The following RFX3 variants were observed in gnomAD, a reference collection of about 807,000 sequenced individuals.
RFX3 encodes the protein regulatory factor X3.
RFX3 carries 14 observed loss-of-function variants against 98.6 expected under a neutral mutation model. That is an observed-to-expected ratio of 0.14 (90% CI 0.09 to 0.22). The LOEUF is 0.22. Among genes scored for constraint, RFX3 ranks in the 10% least tolerant of loss-of-function variants. The pLI, the probability that RFX3 is intolerant of heterozygous loss-of-function variation, is 1.00. For synonymous variants in RFX3, 383 were observed against 328.4 expected (o/e 1.17, Z -1.80); for missense variants, 639 against 926.9 (o/e 0.69, Z 4.03).
At chr9:3,271,489 C>T (rs1374526560) in intron 9 of RFX3, among the ~76,000 whole-genome samples, 1 of 137,024 alleles carries the variant, frequency 7.3e-6, no homozygotes, top group Non-Finnish European at 1.6e-5. Context: ...TCCTTCCCTT[C>T]CCTTCCCCTT....
chr9:3,503,780 A>G (rs1356884874), intron 1 of RFX3, among the ~76,000 whole-genome samples: 1 of 152,154 alleles, frequency 6.6e-6, no homozygotes, highest in Non-Finnish European at 1.5e-5. Flanking sequence ...GCTATGCTAT[A>G]TAAACAATGA....
intron 1 of RFX3, among the ~76,000 whole-genome samples, chr9:3,420,117 C>T (rs1479625305): frequency 1.3e-5 from 2 of 152,174 alleles, no homozygotes; most frequent in African/African-American, 2.4e-5. Flanking sequence ...TCCCAGCCTC[C>T]GACCATCCTT....
intron 1 of RFX3, among the ~76,000 whole-genome samples, chr9:3,483,314 T>C (rs1055521854): frequency 2.6e-5 from 4 of 152,176 alleles, no homozygotes; most frequent in African/African-American, 9.7e-5. Flanking sequence ...CAACATGGGG[T>C]ACCCCACCAA....
intron 1 of RFX3, among the ~76,000 whole-genome samples, chr9:3,410,236 C>G (rs79494982): frequency 0.04 from 5,464 of 136,804 alleles, 262 homozygotes; most frequent in African/African-American, 0.12. Flanking sequence ...TGGTTCACAG[C>G]ACTTTATATT....
chr9:3,341,354 T>G (rs1172224050), intron 3 of RFX3, among the ~76,000 whole-genome samples: 1 of 151,574 alleles, frequency 6.6e-6, no homozygotes, highest in Admixed American at 6.6e-5. Flanking sequence ...TGTATACATA[T>G]GTAACAAACC....
intron 3 of RFX3, among the ~76,000 whole-genome samples, chr9:3,345,977 T>C (rs1023668495): frequency 6.6e-6 from 1 of 152,156 alleles, no homozygotes; most frequent in African/African-American, 2.4e-5. Context: ...GAATTCATTT[T>C]AAGTTAACCG....
chr9:3,433,900 C>T (rs916752673), intron 1 of RFX3, among the ~76,000 whole-genome samples: 2 of 152,200 alleles, frequency 1.3e-5, no homozygotes, highest in Non-Finnish European at 1.5e-5. Flanking sequence ...AATATGTAAA[C>T]AAATGGGCAT....
chr9:3,339,776 T>C (rs1833648570), intron 3 of RFX3, among the ~76,000 whole-genome samples: 1 of 152,116 alleles, frequency 6.6e-6, no homozygotes, highest in Non-Finnish European at 1.5e-5. Flanking sequence ...TGGAAGAACA[T>C]TCCATGCTCA....
At chr9:3,236,120 G>C (rs1819123689) in intron 15 of RFX3, among the ~76,000 whole-genome samples, 1 of 152,068 alleles carries the variant, frequency 6.6e-6, no homozygotes. Context: ...GGGTACAGTG[G>C]TATATAGGAA....
chr9:3,252,254 C>A (rs2131028410), intron 14 of RFX3, among the ~76,000 whole-genome samples: 1 of 152,302 alleles, frequency 6.6e-6, no homozygotes, highest in East Asian at 1.9e-4. Context: ...TGTTCCTACT[C>A]TGCGGCAGGG....
At chr9:3,260,764 C>T (rs933137994) in intron 13 of RFX3, among the ~76,000 whole-genome samples, 2 of 151,142 alleles carry the variant, frequency 1.3e-5, no homozygotes, top group South Asian at 2.1e-4. Context: ...AAACTTTGTT[C>T]TTGTAAAGAT....
At chr9:3,504,951 T>TATATTATATATAATATATATA (rs1564185977) in intron 1 of RFX3, among the ~76,000 whole-genome samples, 2 of 59,718 alleles carry the variant, frequency 3.3e-5, no homozygotes, top group African/African-American at 1.8e-4. Flanking sequence ...TATAATATAA[T>TATATTATATATAATATATATA]ATATATTATA....
intron 1 of RFX3, among the ~76,000 whole-genome samples, chr9:3,398,698 T>C (rs778664873): frequency 5.3e-5 from 8 of 152,096 alleles, no homozygotes; most frequent in African/African-American, 1.4e-4. Context: ...TGGATGGGAA[T>C]GTTCCAGAGT....
chr9:3,318,025 C>T (rs1028525087), intron 4 of RFX3, among the ~76,000 whole-genome samples: 16 of 152,104 alleles, frequency 1.1e-4, no homozygotes, highest in East Asian at 5.8e-4. Context: ...TTACTGGGTA[C>T]GTACCCAAAG....
intron 1 of RFX3, among the ~76,000 whole-genome samples, chr9:3,475,238 G>C (rs1849132106): frequency 6.6e-6 from 1 of 152,124 alleles, no homozygotes; most frequent in African/African-American, 2.4e-5. Flanking sequence ...CACAGGGTCA[G>C]TGGGTTTTTC....
chr9:3,351,915 T>C (rs1397128535), intron 2 of RFX3, among the ~76,000 whole-genome samples: 2 of 151,980 alleles, frequency 1.3e-5, no homozygotes, highest in African/African-American at 4.8e-5. Flanking sequence ...CATTTGACAT[T>C]TTTGTGAATT....
intron 3 of RFX3, among the ~76,000 whole-genome samples, chr9:3,333,162 C>G (rs1191737553): frequency 1.3e-5 from 2 of 152,142 alleles, no homozygotes; most frequent in East Asian, 3.8e-4. Flanking sequence ...ACGTAATAGC[C>G]AGTTTCATAA....
At chr9:3,513,359 C>T (rs780463854) in intron 1 of RFX3, among the ~76,000 whole-genome samples, 19 of 152,086 alleles carry the variant, frequency 1.2e-4, no homozygotes, top group Non-Finnish European at 2.1e-4. Context: ...TTTTTCTCTA[C>T]ATTGTACTAG....
At chr9:3,313,642 G>A (rs1228026206) in intron 4 of RFX3, among the ~76,000 whole-genome samples, 2 of 152,144 alleles carry the variant, frequency 1.3e-5, no homozygotes, top group Non-Finnish European at 1.5e-5. Context: ...TTAGACGAAT[G>A]GCTAACTAGA....
Sources: allele counts gnomAD v4.1 joint callset (sites outside exome capture counted in the v4.1 genomes callset), GRCh38; gene constraint gnomAD v4.1.1; transcripts MANE v1.5; gene names NCBI Gene and HGNC (gene_info 2026-07-23, HGNC 2026-07-21).